Variants in SERINC5 observed in about 807,000 individuals in gnomAD.
The protein encoded by SERINC5 is chromosome 5 open reading frame 12.
In SERINC5, 41 loss-of-function variants were observed where a neutral mutation model predicts 63.1. The observed-to-expected ratio is 0.65, with a 90% CI of 0.51 to 0.84. The LOEUF is 0.84. Among genes scored for constraint, SERINC5 ranks in the 40% least tolerant of loss-of-function variants. The pLI is 0.00. For missense variants in SERINC5, 523 were observed against 573.0 expected (o/e 0.91, Z 0.89); for synonymous variants, 222 against 215.2 (o/e 1.03, Z -0.28).
At chr5:80,159,973 G>A (rs374969914) in intron 7 of SERINC5, among the ~76,000 whole-genome samples, 9 of 152,146 alleles carry the variant, frequency 5.9e-5, no homozygotes, top group Admixed American at 3.3e-4. Flanking sequence ...GTAAAGATAA[G>A]TATTTCCTGA....
chr5:80,176,066 C>G (rs142716545), intron 4 of SERINC5, among the ~76,000 whole-genome samples: 3 of 151,886 alleles, frequency 2.0e-5, no homozygotes, highest in African/African-American at 7.3e-5. Context: ...ATAGTCCCAG[C>G]TACTCGGGAG....
intron 11 of SERINC5, chr5:80,115,991 G>GATGTTA (rs1241057292): frequency 7.8e-6 from 2 of 257,036 alleles, no homozygotes; most frequent in African/African-American, 2.2e-5. Flanking sequence ...AGGGATAGAA[G>GATGTTA]ATGTTAATTC....
chr5:80,219,170 G>C (rs1310366813), intron 1 of SERINC5, among the ~76,000 whole-genome samples: 1 of 152,166 alleles, frequency 6.6e-6, no homozygotes, highest in Non-Finnish European at 1.5e-5. Context: ...AGGGGAAAGG[G>C]AGGCATGGGC....
chr5:80,162,939 C>T (rs1254558440), intron 7 of SERINC5, among the ~76,000 whole-genome samples: 1 of 151,760 alleles, frequency 6.6e-6, no homozygotes, highest in African/African-American at 2.4e-5. Context: ...AGATCCCTCC[C>T]CCTCCCAGGT....
intron 1 of SERINC5, among the ~76,000 whole-genome samples, chr5:80,221,139 G>A (rs1750883876): frequency 2.0e-5 from 3 of 152,194 alleles, no homozygotes; most frequent in South Asian, 2.1e-4. Context: ...GCATCACGGG[G>A]AGTCTCAGCC....
chr5:80,234,993 T>C lies in SERINC5; in HGVS notation c.27+20903A>G, dbSNP rs901961427. Among the ~76,000 whole-genome samples, 4 of 152,232 alleles carry C rather than the reference T, an allele frequency of 2.6e-5. No homozygotes were observed. The East Asian group carries it at 7.7e-4, about 29-fold the overall frequency. ...CACTTTTAAGTGTACAGTTCAGTAG[T>C]GTTAAGTATATTCATATTGTTGTCC... is the stretch of plus-strand genomic sequence containing the variant. On this transcript the variant is annotated intron_variant, in intron 1 of 11. Transcript: ENST00000507668.
At chr5:80,222,549 G>GGTGT (rs1554070039) in intron 1 of SERINC5, among the ~76,000 whole-genome samples, 8 of 128,448 alleles carry the variant, frequency 6.2e-5, no homozygotes, top group African/African-American at 2.2e-4. Context: ...GTTTTTTGTG[G>GGTGT]GTGAGTGTGT....
intron 11 of SERINC5, among the ~76,000 whole-genome samples, chr5:80,124,616 G>A (rs1032799574): frequency 3.3e-5 from 5 of 152,142 alleles, no homozygotes; most frequent in South Asian, 2.1e-4. Flanking sequence ...CCCTAGAGCC[G>A]GAGTCTGGAA....
Position 80,141,177 on chromosome 5 carries a change from C to T in SERINC5, c.*2486G>A. On this transcript the variant is annotated 3_prime_UTR_variant, in exon 12 of 12. Coordinates refer to ENST00000507668, the MANE Select transcript of SERINC5 (RefSeq NM_001174072.3). ...CACATCTGTTTTGTTCATCCAGATA[C>T]ACGTGCTAACATTTTCAGCTGAGAA... 2 of 985,448 alleles carry T rather than the reference C, an allele frequency of 2.0e-6. No homozygotes were observed. The highest frequency in any genetic ancestry group is 2.4e-6 in the Non-Finnish European group (2 of 829,932). 61.0% of individuals were successfully genotyped at this position (985,448 alleles called of 1,614,324 possible). A position where few individuals can be genotyped will look rare whatever the true frequency, so the allele number is the denominator to read the frequency against.
chr5:80,135,045 A>G (rs553128692), downstream of SERINC5, among the ~76,000 whole-genome samples: 1 of 152,352 alleles, frequency 6.6e-6, no homozygotes, highest in East Asian at 1.9e-4. Context: ...AAATAGGCTG[A>G]GGAAACTATT....
chr5:80,146,158 G>C lies in SERINC5; in HGVS notation c.1170C>G (p.Tyr390Ter). 1.2e-6 allele frequency: 2 copies of C among 1,614,042 alleles called. No individual in the cohort carries two copies. The highest frequency in any genetic ancestry group is 1.7e-6 in the Non-Finnish European group (2 of 1,179,866). ...YDEKKGTVYI[Y>*]SYFHFVFFLA... ...GGAAGAACACGAAGTGGAAGTAGGA[G>C]TAGATGTAGACGGTGCCTTTCTTCT... is the stretch of plus-strand genomic sequence containing the variant. The change falls in exon 11 of 12, where the codon TAC becomes TAG. Residue 390 changes from tyrosine (Y) to a stop codon, truncating the protein, a stop_gained. Transcript: ENST00000507668. LOFTEE classifies it high-confidence loss of function.
intron 10 of SERINC5, 142 bp downstream of exon 10, chr5:80,147,103 T>G (rs1044551955): frequency 4.2e-6 from 3 of 722,448 alleles, no homozygotes; most frequent in Non-Finnish European, 6.9e-6. Context: ...ATGTGAAAAG[T>G]GTATAAGTAG....
At chr5:80,194,707 A>G (rs1163119335) in intron 2 of SERINC5, among the ~76,000 whole-genome samples, 4 of 152,166 alleles carry the variant, frequency 2.6e-5, no homozygotes, top group Non-Finnish European at 4.4e-5. Context: ...TCCAAAAGTA[A>G]TACTTCTTAC....
At chr5:80,127,688 G>A (rs1447138219) in intron 11 of SERINC5, among the ~76,000 whole-genome samples, 2 of 152,064 alleles carry the variant, frequency 1.3e-5, no homozygotes, top group South Asian at 4.2e-4. Context: ...TTAAACTTGT[G>A]TTAATTTATA....
chr5:80,130,267 C>T (rs1224282141), intron 11 of SERINC5, among the ~76,000 whole-genome samples: 2 of 152,024 alleles, frequency 1.3e-5, no homozygotes, highest in East Asian at 1.9e-4. Flanking sequence ...GTAATCCCAG[C>T]TACTCGGGAG....
intron 1 of SERINC5, among the ~76,000 whole-genome samples, chr5:80,243,741 AT>A (rs1305562258): frequency 1.4e-5 from 2 of 138,958 alleles, no homozygotes; most frequent in African/African-American, 5.2e-5. Flanking sequence ...GCCTGTCTCT[AT>A]TTAAATAAAT....
At chr5:80,210,195 G>A (rs1248189100) in intron 1 of SERINC5, among the ~76,000 whole-genome samples, 2 of 152,122 alleles carry the variant, frequency 1.3e-5, no homozygotes, top group East Asian at 1.9e-4. Context: ...AAAATCTTTC[G>A]AAGAGCCTGG....
intron 1 of SERINC5, among the ~76,000 whole-genome samples, chr5:80,245,987 A>T (rs1248544365): frequency 3.0e-5 from 4 of 132,112 alleles, no homozygotes; most frequent in South Asian, 2.5e-4. Flanking sequence ...AAAAAAAAAA[A>T]GAGTAACAGC....
chr5:80,227,238 C>T (rs1367481542), intron 1 of SERINC5, among the ~76,000 whole-genome samples: 1 of 151,942 alleles, frequency 6.6e-6, no homozygotes, highest in Non-Finnish European at 1.5e-5. Context: ...ATAAGCTATA[C>T]TGACTGAAAA....
Sources: allele counts gnomAD v4.1 joint callset (sites outside exome capture counted in the v4.1 genomes callset), GRCh38; gene constraint gnomAD v4.1.1; transcripts MANE v1.5; gene names NCBI Gene and HGNC (gene_info 2026-07-23, HGNC 2026-07-21).